COL4A1: variants seen among roughly 807,000 people sequenced by gnomAD.
COL4A1 encodes the protein collagen alpha-1(IV) chain.
Under a neutral mutation model 216.6 loss-of-function variants are expected in COL4A1, and 40 were observed. That is an observed-to-expected ratio of 0.18 (90% CI 0.14 to 0.24). The LOEUF (loss-of-function observed/expected upper bound fraction) is 0.24, where lower values mean the gene tolerates loss of function less well. Among genes scored for constraint, COL4A1 ranks in the 10% least tolerant of loss-of-function variants. The pLI, the probability that COL4A1 is intolerant of heterozygous loss-of-function variation, is 1.00. For missense variants in COL4A1, 1,628 were observed against 2,196.8 expected (o/e 0.74, Z 5.18); for synonymous variants, 839 against 810.7 (o/e 1.03, Z -0.59).
chr13:110,265,258 G>A (rs1057081670), intron 1 of COL4A1: 1 of 152,256 alleles, frequency 6.6e-6, no homozygotes, highest in African/African-American at 2.4e-5. Flanking sequence ...ACTGCAATAC[G>A]ATTTTGGTTT....
At chr13:110,232,850 CA>C (rs1881128797) in intron 2 of COL4A1, among the ~76,000 whole-genome samples, 2 of 152,110 alleles carry the variant, frequency 1.3e-5, no homozygotes, top group South Asian at 4.1e-4. Flanking sequence ...GATACAGCTG[CA>C]AATCAAGAGC....
At chr13:110,290,966 C>G (rs1884062307) in intron 1 of COL4A1, among the ~76,000 whole-genome samples, 1 of 152,240 alleles carries the variant, frequency 6.6e-6, no homozygotes, top group African/African-American at 2.4e-5. Flanking sequence ...TTGCACGTCC[C>G]CCAGGGGTGG....
intron 50 of COL4A1, among the ~76,000 whole-genome samples, chr13:110,154,373 C>A (rs1876664059): frequency 6.6e-6 from 1 of 152,234 alleles, no homozygotes; most frequent in Non-Finnish European, 1.5e-5. Flanking sequence ...AGCCCTGGGG[C>A]TAGGAGAGCA....
chr13:110,154,156 T>C (rs1467467578), intron 50 of COL4A1, among the ~76,000 whole-genome samples: 1 of 152,248 alleles, frequency 6.6e-6, no homozygotes, highest in Non-Finnish European at 1.5e-5. Context: ...AAGATGGGAC[T>C]AGGACTTCCA....
rs78768561 is a variant in COL4A1 at position 110,156,229 on chromosome 13, C to T, written c.4641-832G>A. 3.9e-3 allele frequency among the ~76,000 whole-genome samples: 600 copies of T among 152,306 alleles called. 3 individuals carry two copies. Among genetic ancestry groups the T allele is most frequent in the Middle Eastern group, 0.014 (4 of 294 alleles). On this transcript the variant is annotated intron_variant, in intron 49 of 51. Transcript: ENST00000375820. ...TTTGGGCATTTGAGTGTTTTCCAATCTTTCAACAATGCATACGTATTTCCA... is the reference window on the plus strand; with the variant it reads ...TTTGGGCATTTGAGTGTTTTCCAATTTTTCAACAATGCATACGTATTTCCA...
chr13:110,219,809 T>C (rs1192193), intron 2 of COL4A1, among the ~76,000 whole-genome samples: 3,371 of 137,970 alleles, frequency 0.024, 85 homozygotes, highest in Middle Eastern at 0.04. Flanking sequence ...TGTATATATG[T>C]GTATATATGT....
chr13:110,175,669 A>G (rs1460649478), intron 36 of COL4A1, among the ~76,000 whole-genome samples: 1 of 152,222 alleles, frequency 6.6e-6, no homozygotes, highest in African/African-American at 2.4e-5. Context: ...CAGAATAAAA[A>G]TGGATCTTAT....
intron 25 of COL4A1, 110 bp downstream of exon 25, chr13:110,187,028 C>T: frequency 2.2e-6 from 3 of 1,367,772 alleles, no homozygotes; most frequent in Non-Finnish European, 3.1e-6. Context: ...TTCATTTGTG[C>T]CATCATCAAG....
intron 1 of COL4A1, among the ~76,000 whole-genome samples, chr13:110,258,534 C>CA (rs1882677796): frequency 6.6e-6 from 1 of 151,226 alleles, no homozygotes; most frequent in South Asian, 2.1e-4. Flanking sequence ...AGTGAGACTT[C>CA]ATCTCAAAAA....
chr13:110,223,004 G>C (rs1300516393), intron 2 of COL4A1, among the ~76,000 whole-genome samples: 2 of 151,874 alleles, frequency 1.3e-5, no homozygotes, highest in African/African-American at 4.8e-5. Flanking sequence ...GAATATCGAG[G>C]CTATTGCGTT....
At chr13:110,255,360 G>A (rs79071664) in intron 1 of COL4A1, among the ~76,000 whole-genome samples, 14,660 of 150,948 alleles carry the variant, frequency 0.097, 910 homozygotes, top group East Asian at 0.19. Context: ...GAGGAGACTT[G>A]CAAGGACGTC....
At chr13:110,170,066 AGGAGG>A (rs1385533891) in intron 42 of COL4A1, among the ~76,000 whole-genome samples, 1 of 87,212 alleles carries the variant, frequency 1.1e-5, no homozygotes, top group East Asian at 3.9e-4. Context: ...GAGGGGAGGG[AGGAGG>A]GGAGGGGAGG....
At chr13:110,159,283 G>A (rs745538434) in intron 49 of COL4A1, among the ~76,000 whole-genome samples, 1 of 151,960 alleles carries the variant, frequency 6.6e-6, no homozygotes, top group African/African-American at 2.4e-5. Context: ...GGGAGTGTGT[G>A]TATTATTGTA....
intron 2 of COL4A1, among the ~76,000 whole-genome samples, chr13:110,231,629 T>G (rs542374891): frequency 2.0e-5 from 3 of 152,112 alleles, no homozygotes; most frequent in Non-Finnish European, 2.9e-5. Flanking sequence ...TAGGGCAGGC[T>G]CCAGGACTGC....
intron 1 of COL4A1, among the ~76,000 whole-genome samples, chr13:110,298,144 TA>T (rs1451126864): frequency 2.6e-5 from 4 of 152,182 alleles, no homozygotes; most frequent in East Asian, 1.9e-4. Context: ...TAGAATTTTT[TA>T]AAAAAAGTTT....
intron 2 of COL4A1, among the ~76,000 whole-genome samples, chr13:110,228,429 C>T (rs751710335): frequency 5.9e-5 from 9 of 152,164 alleles, no homozygotes; most frequent in African/African-American, 1.7e-4. Context: ...ACTTCTGGCC[C>T]GTCGCACCCA....
chr13:110,184,890 G>C (rs1171383711), intron 26 of COL4A1, among the ~76,000 whole-genome samples: 2 of 151,846 alleles, frequency 1.3e-5, no homozygotes, highest in African/African-American at 4.8e-5. Context: ...GGCAGGCCTC[G>C]AGCTCCTGAC....
intron 25 of COL4A1, 24 bp downstream of exon 25, chr13:110,187,114 T>C: frequency 6.2e-7 from 1 of 1,613,808 alleles, no homozygotes; most frequent in Non-Finnish European, 8.5e-7. Flanking sequence ...AAAATGCACA[T>C]TCAAAGTCTG....
chr13:110,182,698 C>T (rs887240672), intron 28 of COL4A1, among the ~76,000 whole-genome samples: 1 of 152,238 alleles, frequency 6.6e-6, no homozygotes, highest in African/African-American at 2.4e-5. Context: ...GCGAGTCTTC[C>T]TCACGGATAA....
Sources: allele counts gnomAD v4.1 joint callset (sites outside exome capture counted in the v4.1 genomes callset), GRCh38; gene constraint gnomAD v4.1.1; transcripts MANE v1.5; gene names NCBI Gene and HGNC (gene_info 2026-07-23, HGNC 2026-07-21).